Variants in VASH1 observed in about 807,000 individuals in gnomAD.
VASH1 encodes vasohibin 1.
VASH1 carries 16 observed loss-of-function variants against 35.0 expected under a neutral mutation model. The ratio of observed to expected loss-of-function variants is 0.46; its 90% CI spans 0.31 to 0.70. The LOEUF is 0.70. Among genes scored for constraint, VASH1 ranks in the 30% least tolerant of loss-of-function variants. The pLI, the probability that VASH1 is intolerant of heterozygous loss-of-function variation, is 0.05. For missense variants in VASH1, 505 were observed against 510.7 expected (o/e 0.99, Z 0.11); for synonymous variants, 214 against 200.9 (o/e 1.07, Z -0.55).
intron 1 of VASH1, among the ~76,000 whole-genome samples, chr14:76,768,417 A>T (rs572486861): frequency 4.6e-5 from 7 of 151,838 alleles, no homozygotes; most frequent in Non-Finnish European, 8.8e-5. Context: ...GTTGCTAGGG[A>T]CTCCCCAGAC....
chr14:76,779,561 G>C lies in VASH1; in HGVS notation c.*543G>C. The C allele has an allele frequency of 1.5e-6, 1 of 671,882 alleles. No homozygotes were observed. Among genetic ancestry groups the C allele is most frequent in the South Asian group, 1.6e-5 (1 of 61,650 alleles). 41.6% of individuals were successfully genotyped at this position (671,882 alleles called of 1,614,324 possible). ...AGTCCTTCTGAGAAAGGTCTGTGTA[G>C]CCCATTAACCAGGAGCTTGGCACAG... On this transcript the variant is annotated 3_prime_UTR_variant, in exon 7 of 7. Transcript: ENST00000167106.
rs769966712 is a variant in VASH1 at position 76,775,998 on chromosome 14, G to A, written c.637G>A (p.Gly213Ser). The A allele has an allele frequency of 2.5e-6, 4 of 1,613,112 alleles. No homozygotes were observed. In the Admixed American group the frequency reaches 6.7e-5, roughly 27 times the overall value. ...RHIVLGVNFA[G>S]RYGALGMSRR... ...CATCGTGCTGGGGGTGAACTTCGCG[G>A]GCCGCTACGGTGCGCTGGGCATGAG... The change falls in exon 5 of 7, where the codon GGC becomes AGC. Residue 213 changes from glycine to serine, a missense_variant. Coordinates refer to ENST00000167106, the MANE Select transcript of VASH1 (RefSeq NM_014909.5).
At chr14:76,773,501 G>C (rs1893848642) in intron 4 of VASH1, 1 of 482,144 alleles carries the variant, frequency 2.1e-6, no homozygotes, top group South Asian at 4.6e-5. Context: ...CCCAAATCAG[G>C]GCACAGTGTC....
chr14:76,769,222 C>A, intron 1 of VASH1: 1 of 1,214,664 alleles, frequency 8.2e-7, no homozygotes. Flanking sequence ...CATTTCTGGG[C>A]TGGGTGCTGG....
At chr14:76,767,252 A>C (rs916414231) in intron 1 of VASH1, among the ~76,000 whole-genome samples, 8 of 147,556 alleles carry the variant, frequency 5.4e-5, no homozygotes, top group African/African-American at 2.0e-4. Context: ...CTCAATAAAT[A>C]AATAAATAAA....
In VASH1 at chr14:76,780,415, C is replaced by T. The variant is rs2280796; in HGVS notation, c.*1397C>T. On this transcript the variant is annotated 3_prime_UTR_variant, in exon 7 of 7. Transcript: ENST00000167106. ...AGGATTCAGATTGTGGAAGGGTAAA[C>T]GGATGAGATGACCATTAAGGTTTTG... 110,342 of 152,186 alleles carry T rather than the reference C, an allele frequency of 0.73. 40,397 individuals are homozygous for T. Among genetic ancestry groups the T allele is most frequent in the African/African-American group, 0.8 (33,331 of 41,464 alleles). The allele number at this position is 152,186 out of a possible 1,614,324, so 9.4% of individuals were successfully genotyped here. A position where few individuals can be genotyped will look rare whatever the true frequency, so the allele number is the denominator to read the frequency against.
In VASH1 at chr14:76,762,259, C is replaced by G. The variant is rs924597860; in HGVS notation, c.-563C>G. The stretch of plus-strand genomic sequence containing the variant: ...CGTCGGAGAAATCGCCCCCCAGCGC[C>G]GCTCTCCCGCCCGGGGGTCTTGGTT... On this transcript the variant is annotated 5_prime_UTR_variant, in exon 1 of 7. Coordinates refer to ENST00000167106, the MANE Select transcript of VASH1 (RefSeq NM_014909.5). 4 of 152,294 alleles carry G rather than the reference C, an allele frequency of 2.6e-5. No homozygotes were observed. Among genetic ancestry groups the G allele is most frequent in the African/African-American group, 9.6e-5 (4 of 41,472 alleles). The allele number at this position is 152,294 out of a possible 1,614,324, so 9.4% of individuals were successfully genotyped here.
In VASH1 at chr14:76,780,924, G is replaced by C. The variant is rs542897989; in HGVS notation, c.*1906G>C. ...TAGGATCCTTGCAGCTGAGGAGGAG[G>C]AAAAGCCACTGAGTCTCCTCCCAGA... On this transcript the variant is annotated 3_prime_UTR_variant, in exon 7 of 7. Coordinates refer to ENST00000167106, the MANE Select transcript of VASH1 (RefSeq NM_014909.5). 1 of 152,430 alleles carries C rather than the reference G, an allele frequency of 6.6e-6. No homozygotes were observed. Among genetic ancestry groups the C allele is most frequent in the Admixed American group, 6.5e-5 (1 of 15,302 alleles). The allele number at this position is 152,430 out of a possible 1,614,324, so 9.4% of individuals were successfully genotyped here.
At chr14:76,767,250 A>ATAAAT (rs1408139130) in intron 1 of VASH1, among the ~76,000 whole-genome samples, 2 of 147,372 alleles carry the variant, frequency 1.4e-5, no homozygotes, top group Non-Finnish European at 3.0e-5. Flanking sequence ...GTCTCAATAA[A>ATAAAT]TAAATAAATA....
chr14:76,772,748 G>A (rs965186336), intron 3 of VASH1, among the ~76,000 whole-genome samples: 1 of 152,270 alleles, frequency 6.6e-6, no homozygotes, highest in African/African-American at 2.4e-5. Flanking sequence ...CAGAAGGGAA[G>A]AGATCGATGC....
chr14:76,779,152 C>T lies in VASH1; in HGVS notation c.*134C>T. 3 of 1,009,574 alleles carry T rather than the reference C, an allele frequency of 3.0e-6. No individual in the cohort carries two copies. The highest frequency in any genetic ancestry group is 4.6e-6 in the Non-Finnish European group (3 of 657,078). The allele number at this position is 1,009,574 out of a possible 1,614,324, so 62.5% of individuals were successfully genotyped here. On this transcript the variant is annotated 3_prime_UTR_variant, in exon 7 of 7. Transcript: ENST00000167106. ...AGGCTGCAGGAAGAGTGTGTTCCAG[C>T]TCAGCCCCCCAAGCTGCTCTCGCTC...
At chr14:76,773,358 C>T in intron 4 of VASH1, 147 bp downstream of exon 4, 1 of 774,744 alleles carries the variant, frequency 1.3e-6, no homozygotes, top group Non-Finnish European at 2.0e-6. Flanking sequence ...AGAAGCACCC[C>T]ACTAAAGTGG....
intron 1 of VASH1, among the ~76,000 whole-genome samples, chr14:76,765,909 G>A (rs1566681780): frequency 6.6e-6 from 1 of 152,148 alleles, no homozygotes; most frequent in Non-Finnish European, 1.5e-5. Flanking sequence ...CTGCAGGCTG[G>A]TGTCATAAAA....
At position 76,762,926 on chromosome 14, in the gene VASH1, A is replaced by G; in HGVS notation, c.105A>G (p.Glu35=). ...PSGVRRLETS[E]GTSAQRDEEP... is the part of the protein sequence containing the mutation. ...GGGTCAGGCGTTTGGAGACCAGCGA[A>G]GGAACCTCAGCCCAGAGAGATGAGG... Residue 35 remains glutamate, a synonymous_variant, in exon 1 of 7, where the codon GAA becomes GAG. Transcript: ENST00000167106. The G allele has an allele frequency of 1.3e-6, 2 of 1,572,962 alleles. No homozygotes were observed. The highest frequency in any genetic ancestry group is 1.7e-4 in the Middle Eastern group (1 of 6,004).
chr14:76,773,650 C>A (rs1010678436), intron 4 of VASH1: 12 of 199,514 alleles, frequency 6.0e-5, no homozygotes, highest in East Asian at 1.1e-4. Context: ...AAAAAAAAAA[C>A]CACAAACAAG....
intron 1 of VASH1, among the ~76,000 whole-genome samples, chr14:76,767,501 G>A (rs916339232): frequency 6.6e-6 from 1 of 152,120 alleles, no homozygotes; most frequent in Non-Finnish European, 1.5e-5. Context: ...GGAGCCGGGG[G>A]AATCCTTGGC....
In VASH1 at chr14:76,776,047, A is replaced by G. The variant is rs764924694; in HGVS notation, c.686A>G (p.Lys229Arg). 3.1e-6 allele frequency: 5 copies of G among 1,611,028 alleles called. No homozygotes were observed. The highest frequency in any genetic ancestry group is 4.2e-6 in the Non-Finnish European group (5 of 1,179,602). ...GMSRREDLMY[K>R]PPAFRTLSEL... ...AGTCGGCGCGAGGACCTGATGTACAAGCCGCCCGCCTTCCGCACGCTCAGC... is the reference window on the plus strand; with the variant it reads ...AGTCGGCGCGAGGACCTGATGTACAGGCCGCCCGCCTTCCGCACGCTCAGC... Residue 229 changes from lysine to arginine, a missense_variant, in exon 5 of 7, where the codon AAG (lysine) becomes AGG (arginine). Transcript: ENST00000167106.
In VASH1 at chr14:76,781,597, CATGGAGA is replaced by C. The variant is rs1326100129; in HGVS notation, c.*2581_*2587del. The C allele has an allele frequency of 1.3e-5, 2 of 152,230 alleles. No homozygotes were observed. Among genetic ancestry groups the C allele is most frequent in the African/African-American group, 4.8e-5 (2 of 41,402 alleles). 9.4% of individuals were successfully genotyped at this position (152,230 alleles called of 1,614,324 possible). Reference sequence around the variant, plus strand: ...TGCAGGATCCTTTCCCAGAGCCCTCCATGGAGAAAACAGCAAAATGAAGCCCTTACCT... The same window carrying C: ...TGCAGGATCCTTTCCCAGAGCCCTCCAAACAGCAAAATGAAGCCCTTACCT... On this transcript the variant is annotated 3_prime_UTR_variant, in exon 7 of 7. Coordinates refer to ENST00000167106, the MANE Select transcript of VASH1 (RefSeq NM_014909.5).
intron 1 of VASH1, among the ~76,000 whole-genome samples, chr14:76,766,468 T>C (rs985112368): frequency 6.6e-6 from 1 of 152,202 alleles, no homozygotes; most frequent in Non-Finnish European, 1.5e-5. Context: ...TGAGACAGCG[T>C]CTCGCTTGGT....
Sources: gnomAD v4.1 joint callset for allele counts (sites outside exome capture counted in the v4.1 genomes callset) on GRCh38, gnomAD v4.1.1 for gene constraint, MANE v1.5 for transcripts, NCBI Gene and HGNC (gene_info 2026-07-23, HGNC 2026-07-21) for gene names.